ENTREP2: variants seen among roughly 807,000 people sequenced by gnomAD.
ENTREP2 encodes endosomal transmembrane epsin interactor 2, also known as protein ENTREP2.
the ENTREP2 span, among the ~76,000 whole-genome samples, chr15:29,351,072 T>C: frequency 4.6e-5 from 7 of 152,354 alleles, no homozygotes; most frequent in Admixed American, 3.9e-4. Flanking sequence ...TTCTGAGCAA[T>C]GCAAATGGTA....
At chr15:29,412,895 C>G in the ENTREP2 span, among the ~76,000 whole-genome samples, 32,829 of 151,410 alleles carry the variant, frequency 0.22, 3,890 homozygotes, top group Middle Eastern at 0.42. Context: ...CATTCCTATT[C>G]TTATGTATTG....
At chr15:29,126,283 G>A in the ENTREP2 span, 1 of 1,477,774 alleles carries the variant, frequency 6.8e-7, no homozygotes, top group Non-Finnish European at 9.0e-7. Flanking sequence ...TGCTAGATGT[G>A]CACAAGGTGG....
the ENTREP2 span, among the ~76,000 whole-genome samples, chr15:29,118,808 CCT>C: frequency 6.6e-6 from 1 of 151,070 alleles, no homozygotes; most frequent in African/African-American, 2.4e-5. Flanking sequence ...CCAGCACTTA[CCT>C]TTCTTCATGG....
the ENTREP2 span, among the ~76,000 whole-genome samples, chr15:29,261,144 G>A: frequency 3.9e-5 from 6 of 152,272 alleles, no homozygotes; most frequent in South Asian, 1.0e-3. Flanking sequence ...GGAGGCTAGC[G>A]GGGGAGGACT....
chr15:29,357,051 A>G, the ENTREP2 span, among the ~76,000 whole-genome samples: 1 of 152,330 alleles, frequency 6.6e-6, no homozygotes, highest in South Asian at 2.1e-4. Flanking sequence ...ACAGAGATAC[A>G]GAAAGTGTAT....
the ENTREP2 span, among the ~76,000 whole-genome samples, chr15:29,294,372 C>A: frequency 6.6e-6 from 1 of 152,200 alleles, no homozygotes; most frequent in Non-Finnish European, 1.5e-5. Flanking sequence ...GAGATGGTGA[C>A]GAGTCTGAGG....
At chr15:29,637,780 G>A in the ENTREP2 span, among the ~76,000 whole-genome samples, 1 of 152,196 alleles carries the variant, frequency 6.6e-6, no homozygotes, top group Admixed American at 6.5e-5. Flanking sequence ...AGGAGCTAGA[G>A]AAGAGAAGGT....
At chr15:29,667,487 CTTTTT>C in the ENTREP2 span, among the ~76,000 whole-genome samples, 1 of 104,700 alleles carries the variant, frequency 9.6e-6, no homozygotes, top group Non-Finnish European at 1.8e-5. Context: ...TGCGCCTGGC[CTTTTT>C]TTTTTTTTTT....
the ENTREP2 span, among the ~76,000 whole-genome samples, chr15:29,483,070 A>G: frequency 6.6e-6 from 1 of 152,166 alleles, no homozygotes; most frequent in African/African-American, 2.4e-5. Context: ...TGTTGTTTTA[A>G]TTTGCATTTT....
At chr15:29,443,071 G>A in the ENTREP2 span, among the ~76,000 whole-genome samples, 15 of 152,326 alleles carry the variant, frequency 9.8e-5, no homozygotes, top group African/African-American at 3.4e-4. Context: ...GAGATACAGT[G>A]CAGATTTATG....
At chr15:29,621,080 G>A in the ENTREP2 span, among the ~76,000 whole-genome samples, 1 of 152,040 alleles carries the variant, frequency 6.6e-6, no homozygotes, top group Non-Finnish European at 1.5e-5. Flanking sequence ...GCTGGCAGTA[G>A]TTGCTCCTGC....
chr15:29,208,249 C>T, the ENTREP2 span, among the ~76,000 whole-genome samples: 211 of 150,828 alleles, frequency 1.4e-3, 2 homozygotes, highest in African/African-American at 5.0e-3. Context: ...TGGCACACAA[C>T]GTGAAACCTA....
chr15:29,223,760 C>T, the ENTREP2 span, among the ~76,000 whole-genome samples: 1 of 152,080 alleles, frequency 6.6e-6, no homozygotes, highest in African/African-American at 2.4e-5. Context: ...GTTCTGGAGC[C>T]CCTGCGCCTG....
chr15:29,509,964 G>T, the ENTREP2 span, among the ~76,000 whole-genome samples: 1 of 152,056 alleles, frequency 6.6e-6, no homozygotes, highest in Non-Finnish European at 1.5e-5. Flanking sequence ...GAGTGAACAG[G>T]CAACCTACAA....
chr15:29,240,907 A>T, the ENTREP2 span, among the ~76,000 whole-genome samples: 1 of 152,202 alleles, frequency 6.6e-6, no homozygotes, highest in Admixed American at 6.5e-5. Context: ...TCATATCATC[A>T]TCATCATCAT....
chr15:29,145,481 G>C, the ENTREP2 span, among the ~76,000 whole-genome samples: 1 of 151,996 alleles, frequency 6.6e-6, no homozygotes, highest in Non-Finnish European at 1.5e-5. Context: ...AAATTAGCCA[G>C]GTGTGGTGGC....
At chr15:29,652,644 C>G in the ENTREP2 span, among the ~76,000 whole-genome samples, 3 of 152,148 alleles carry the variant, frequency 2.0e-5, no homozygotes, top group African/African-American at 7.2e-5. Context: ...TACTGCATTC[C>G]CCCCAGGGCC....
chr15:29,255,763 G>A, the ENTREP2 span, among the ~76,000 whole-genome samples: 3 of 151,864 alleles, frequency 2.0e-5, no homozygotes, highest in Non-Finnish European at 4.4e-5. Context: ...GCACTTTGGG[G>A]GGTCGAGGCG....
the ENTREP2 span, among the ~76,000 whole-genome samples, chr15:29,416,176 C>T: frequency 6.6e-6 from 1 of 152,104 alleles, no homozygotes; most frequent in African/African-American, 2.4e-5. Context: ...CAAAAAAGAG[C>T]CTGCATTGCC....
Sources: allele counts gnomAD v4.1 joint callset (sites outside exome capture counted in the v4.1 genomes callset), GRCh38; gene constraint gnomAD v4.1.1; transcripts MANE v1.5; gene names NCBI Gene and HGNC (gene_info 2026-07-23, HGNC 2026-07-21).